The following GRIP2 variants were observed in gnomAD, a reference collection of about 807,000 sequenced individuals.
The protein encoded by GRIP2 is glutamate receptor interacting protein 2, also known as glutamate receptor-interacting protein 2.
A neutral mutation model predicts 108.3 loss-of-function variants in GRIP2; 58 were observed. That is an observed-to-expected ratio of 0.54 (90% CI 0.43 to 0.67). The LOEUF (loss-of-function observed/expected upper bound fraction) is 0.67, where lower values mean the gene tolerates loss of function less well. Ranked by LOEUF, GRIP2 falls within the 30% of genes least tolerant of loss-of-function variation. GRIP2 has a pLI of 0.00. For synonymous variants in GRIP2, 586 were observed against 598.2 expected (o/e 0.98, Z 0.30); for missense variants, 1,278 against 1,430.6 (o/e 0.89, Z 1.72).
At chr3:14,567,893 G>A in the GRIP2 span, among the ~76,000 whole-genome samples, 1 of 152,202 alleles carries the variant, frequency 6.6e-6, no homozygotes, top group African/African-American at 2.4e-5. Context: ...TATGAGGTAG[G>A]GGGAGGTCTC....
chr3:14,596,625 G>C, the GRIP2 span, among the ~76,000 whole-genome samples: 3 of 152,340 alleles, frequency 2.0e-5, no homozygotes, highest in Non-Finnish European at 2.9e-5. Flanking sequence ...TCACTAGAGG[G>C]AGAGAAAGGT....
chr3:14,560,324 C>T (rs1695299835), upstream of GRIP2, among the ~76,000 whole-genome samples: 1 of 152,216 alleles, frequency 6.6e-6, no homozygotes, highest in South Asian at 2.1e-4. Context: ...CAATATGCTT[C>T]TCTGCCCATG....
chr3:14,555,896 G>A, intron 1 of GRIP2: 1 of 399,694 alleles, frequency 2.5e-6, no homozygotes, highest in Non-Finnish European at 4.4e-6. Context: ...AGACTCACCG[G>A]CACCTTTGAG....
At chr3:14,494,782 C>T in intron 23 of GRIP2, 61 bp downstream of exon 23, 1 of 1,543,712 alleles carries the variant, frequency 6.5e-7, no homozygotes, top group South Asian at 1.2e-5. Flanking sequence ...CAGGCTCTTT[C>T]CCCACCCTCA....
the GRIP2 span, among the ~76,000 whole-genome samples, chr3:14,582,571 C>T: frequency 6.6e-6 from 1 of 152,204 alleles, no homozygotes; most frequent in African/African-American, 2.4e-5. Context: ...CAGATATCTG[C>T]TTCGTGTCCA....
At chr3:14,581,028 A>G in the GRIP2 span, among the ~76,000 whole-genome samples, 3 of 152,192 alleles carry the variant, frequency 2.0e-5, no homozygotes, top group Non-Finnish European at 2.9e-5. Context: ...GCATGAGCCA[A>G]TTCCTTTAAA....
intron 1 of GRIP2, among the ~76,000 whole-genome samples, chr3:14,549,328 AAC>A (rs1695106720): frequency 6.6e-6 from 1 of 152,166 alleles, no homozygotes; most frequent in Non-Finnish European, 1.5e-5. Context: ...CCTATTCCTG[AAC>A]AGTTGTAAGG....
intron 1 of GRIP2, among the ~76,000 whole-genome samples, chr3:14,530,685 T>C (rs192592122): frequency 1.3e-5 from 2 of 152,348 alleles, no homozygotes; most frequent in East Asian, 1.9e-4. Context: ...TGTAAAAATA[T>C]ACAGTTCGTT....
At chr3:14,508,207 C>A (rs972584676) in intron 17 of GRIP2, among the ~76,000 whole-genome samples, 3 of 152,246 alleles carry the variant, frequency 2.0e-5, no homozygotes, top group Admixed American at 2.0e-4. Context: ...ATCACCAGCG[C>A]CCAGCAGACC....
chr3:14,524,726 A>G (rs774990647), intron 3 of GRIP2, among the ~76,000 whole-genome samples, 188 bp from the exon 4 acceptor site: 1 of 152,148 alleles, frequency 6.6e-6, no homozygotes, highest in Non-Finnish European at 1.5e-5. Flanking sequence ...GCAGAGACTG[A>G]CACCCAGGTC....
chr3:14,499,309 G>A (rs1693702442), intron 21 of GRIP2, among the ~76,000 whole-genome samples: 1 of 152,222 alleles, frequency 6.6e-6, no homozygotes, highest in South Asian at 2.1e-4. Context: ...GGGTGCCTGG[G>A]AAGGGACCAC....
At chr3:14,495,237 T>C (rs181201144) in intron 22 of GRIP2, among the ~76,000 whole-genome samples, 75 of 152,184 alleles carry the variant, frequency 4.9e-4, no homozygotes, top group African/African-American at 1.8e-3. Context: ...GTGACTTCCT[T>C]TCAGCCCTTT....
intron 4 of GRIP2, chr3:14,523,970 C>A: frequency 1.9e-6 from 1 of 521,334 alleles, no homozygotes; most frequent in Non-Finnish European, 3.4e-6. Context: ...CTGGTAGGCT[C>A]AGGCCAGGGC....
At position 14,511,582 on chromosome 3, in the gene GRIP2, T is replaced by C. The variant is rs1246252375; in HGVS notation, c.1721-103A>G. On this transcript the variant is annotated intron_variant, in intron 14 of 23. Transcript: ENST00000621039. This position sits in a 1 kb window ranked among gnomAD's most constrained non-coding sequence, Gnocchi z 4.1. Reference sequence around the variant, plus strand: ...GTGGACTCGGAGCCACTGGTCCTACTCACATCCTGGTCCCACTGCTTCCTG... The same window carrying C: ...GTGGACTCGGAGCCACTGGTCCTACCCACATCCTGGTCCCACTGCTTCCTG... The C allele has an allele frequency of 9.2e-7, 1 of 1,090,264 alleles. No individual in the cohort carries two copies. The highest frequency in any genetic ancestry group is 2.5e-5 in the East Asian group (1 of 40,036). The allele number at this position is 1,090,264 out of a possible 1,614,324, so 67.5% of individuals were successfully genotyped here. A position where few individuals can be genotyped will look rare whatever the true frequency, so the allele number is the denominator to read the frequency against.
intron 23 of GRIP2, among the ~76,000 whole-genome samples, chr3:14,494,349 TA>T (rs1296399565): frequency 1.3e-5 from 2 of 152,128 alleles, no homozygotes; most frequent in East Asian, 3.9e-4. Flanking sequence ...GGAGCAAAAA[TA>T]GCCAGGGCAT....
chr3:14,540,535 G>T, upstream of GRIP2: 1 of 970,624 alleles, frequency 1.0e-6, no homozygotes, highest in Non-Finnish European at 1.5e-6. This position sits in a 1 kb window ranked among gnomAD's most constrained non-coding sequence, Gnocchi z 4.1. Flanking sequence ...TGCAGCCTGG[G>T]TCTGGACAGG....
chr3:14,558,256 C>A (rs964920426), upstream of GRIP2, among the ~76,000 whole-genome samples: 1 of 152,234 alleles, frequency 6.6e-6, no homozygotes, highest in African/African-American at 2.4e-5. Context: ...AGCCACCAGA[C>A]TAGGCCGCTG....
rs550117014 is a variant in GRIP2, at chr3:14,529,140, G to T, written c.41-3209C>A. On this transcript the variant is annotated intron_variant, in intron 1 of 23. Transcript: ENST00000621039. ...AAAAAAAAAAAAAAATTAGCTGGGC[G>T]TGGTGGCAGGCGCCTGTAGTCCCAG... Among the ~76,000 whole-genome samples the T allele has an allele frequency of 2.8e-3, 424 of 151,944 alleles. 3 individuals carry two copies. The highest frequency in any genetic ancestry group is 4.0e-3 in the Non-Finnish European group (270 of 67,952).
At position 14,507,056 on chromosome 3, in the gene GRIP2, G is replaced by T; in HGVS notation, c.2219-76C>A. ...GCCTCAGTTTCTGCATTTCAGCCTG[G>T]TCTGGAAACTCACAGGCAGTAAGCC... On this transcript the variant is annotated intron_variant, in intron 18 of 23. Transcript: ENST00000621039. The surrounding 1 kb of genome is among the most constrained non-coding windows in gnomAD (Gnocchi z 4.6). 7.2e-7 allele frequency: 1 copy of T among 1,387,554 alleles called. No homozygotes were observed. The highest frequency in any genetic ancestry group is 9.8e-7 in the Non-Finnish European group (1 of 1,017,340). 86.0% of individuals were successfully genotyped at this position (1,387,554 alleles called of 1,614,324 possible).
Sources: allele counts gnomAD v4.1 joint callset (sites outside exome capture counted in the v4.1 genomes callset), GRCh38; gene constraint gnomAD v4.1.1; non-coding constraint Gnocchi (gnomAD v3.1); transcripts MANE v1.5; gene names NCBI Gene and HGNC (gene_info 2026-07-23, HGNC 2026-07-21).